The following CERS6 variants were observed in gnomAD, a reference collection of about 807,000 sequenced individuals.
The protein encoded by CERS6 is ceramide synthase 6, also known as LAG1 homolog, ceramide synthase 6.
A neutral mutation model predicts 56.8 loss-of-function variants in CERS6; 26 were observed. That is an observed-to-expected ratio of 0.46 (90% CI 0.34 to 0.63). CERS6 has a LOEUF of 0.63. Among genes scored for constraint, CERS6 ranks in the 30% least tolerant of loss-of-function variants. The probability of loss-of-function intolerance (pLI) is 0.01; values close to 1 mark genes in which losing one functional copy is unlikely to be tolerated. For synonymous variants in CERS6, 164 were observed against 173.3 expected (o/e 0.95, Z 0.42); for missense variants, 415 against 467.5 (o/e 0.89, Z 1.04).
At chr2:168,645,189 A>AGAGAGAGAGAGAGAGT (rs1685166772) in intron 4 of CERS6, among the ~76,000 whole-genome samples, 1 of 85,014 alleles carries the variant, frequency 1.2e-5, no homozygotes, top group South Asian at 4.3e-4. Flanking sequence ...AGAGAGAGAG[A>AGAGAGAGAGAGAGAGT]GTAACTTCTA....
At chr2:168,661,624 G>C (rs528661968) in intron 4 of CERS6, among the ~76,000 whole-genome samples, 1 of 152,182 alleles carries the variant, frequency 6.6e-6, no homozygotes, top group Non-Finnish European at 1.5e-5. Flanking sequence ...TTTCGCTCAA[G>C]ATAGAGAAGT....
At position 168,663,727 on chromosome 2, in the gene CERS6, A is replaced by G. The variant is rs1685688928; in HGVS notation, c.466-27307A>G. 2.6e-5 allele frequency among the ~76,000 whole-genome samples: 4 copies of G among 152,192 alleles called. No homozygotes were observed. In the South Asian group the frequency reaches 8.3e-4, roughly 31 times the overall value. ...CAGTTACATAAAAAACATTATGTAG[A>G]TCCACCGTAGGTATTCTTGTAGTGT... On this transcript the variant is annotated intron_variant, in intron 4 of 9. Coordinates refer to ENST00000305747, the MANE Select transcript of CERS6 (RefSeq NM_203463.3).
intron 6 of CERS6, among the ~76,000 whole-genome samples, chr2:168,706,269 T>C (rs1223605044): frequency 6.6e-6 from 1 of 152,238 alleles, no homozygotes; most frequent in Non-Finnish European, 1.5e-5. Flanking sequence ...AGCACTATCT[T>C]ACTGTTTTCT....
At chr2:168,625,018 C>T (rs942526156) in intron 3 of CERS6, among the ~76,000 whole-genome samples, 16 of 152,050 alleles carry the variant, frequency 1.1e-4, no homozygotes, top group African/African-American at 2.4e-4. Flanking sequence ...TGAGATACAG[C>T]GCAGTGATTT....
chr2:168,536,979 A>G (rs561085681), intron 1 of CERS6, among the ~76,000 whole-genome samples: 12 of 152,268 alleles, frequency 7.9e-5, no homozygotes, highest in African/African-American at 2.9e-4. Flanking sequence ...AACATGGACT[A>G]TTGTGTTATT....
At chr2:168,645,664 A>T (rs1685181287) in intron 4 of CERS6, among the ~76,000 whole-genome samples, 1 of 152,158 alleles carries the variant, frequency 6.6e-6, no homozygotes, top group Non-Finnish European at 1.5e-5. Flanking sequence ...CCCAATAGTT[A>T]TCTTTTCTGC....
chr2:168,612,499 T>G (rs1003614570), intron 3 of CERS6, among the ~76,000 whole-genome samples: 1 of 152,256 alleles, frequency 6.6e-6, no homozygotes, highest in African/African-American at 2.4e-5. Context: ...TTTGTGTTGT[T>G]TTGTTTAATT....
intron 9 of CERS6, among the ~76,000 whole-genome samples, chr2:168,768,802 A>G (rs567740898): frequency 6.7e-6 from 1 of 149,964 alleles, no homozygotes; most frequent in Non-Finnish European, 1.5e-5. Context: ...GCTACTCGGG[A>G]GGCTAAGGCA....
chr2:168,546,841 C>T (rs1399930567), intron 1 of CERS6, among the ~76,000 whole-genome samples: 1 of 152,192 alleles, frequency 6.6e-6, no homozygotes, highest in African/African-American at 2.4e-5. Context: ...AATGTCCCCA[C>T]ACCTTTGGGG....
chr2:168,570,812 T>C (rs1410525948), intron 3 of CERS6, among the ~76,000 whole-genome samples: 1 of 152,164 alleles, frequency 6.6e-6, no homozygotes, highest in Non-Finnish European at 1.5e-5. Flanking sequence ...TAATAGCTAC[T>C]ATTTATAAAG....
chr2:168,520,302 T>G (rs1424650501), intron 1 of CERS6, among the ~76,000 whole-genome samples: 1 of 152,214 alleles, frequency 6.6e-6, no homozygotes, highest in African/African-American at 2.4e-5. Flanking sequence ...TTGATTCGTT[T>G]AAGTTCCTTA....
intron 1 of CERS6, among the ~76,000 whole-genome samples, chr2:168,476,650 T>A (rs75175049): frequency 0.055 from 8,367 of 152,156 alleles, 337 homozygotes; most frequent in East Asian, 0.18. Flanking sequence ...GAGAACGTAG[T>A]AGGGACTGCT....
intron 2 of CERS6, among the ~76,000 whole-genome samples, chr2:168,552,262 A>G (rs1695586056): frequency 6.6e-6 from 1 of 151,676 alleles, no homozygotes; most frequent in South Asian, 2.1e-4. Context: ...TCCATTATTC[A>G]TTTCTTTGCC....
At chr2:168,613,647 C>A (rs767248853) in intron 3 of CERS6, among the ~76,000 whole-genome samples, 25 of 152,206 alleles carry the variant, frequency 1.6e-4, no homozygotes, top group Admixed American at 1.3e-4. Context: ...CTGTGAGTAT[C>A]ATAGGTGTAA....
chr2:168,754,205 A>G (rs1684357162), intron 8 of CERS6, among the ~76,000 whole-genome samples: 2 of 152,112 alleles, frequency 1.3e-5, no homozygotes, highest in Admixed American at 1.3e-4. Flanking sequence ...AGTTGGAAGG[A>G]AGGAGGGTCT....
chr2:168,543,282 G>A (rs1042837730), intron 1 of CERS6, among the ~76,000 whole-genome samples: 19 of 152,176 alleles, frequency 1.2e-4, no homozygotes, highest in African/African-American at 4.6e-4. Flanking sequence ...AAAGTAATTA[G>A]GTGAGCATTT....
intron 3 of CERS6, among the ~76,000 whole-genome samples, chr2:168,618,936 AAAG>A (rs1476267746): frequency 6.6e-6 from 1 of 152,250 alleles, no homozygotes; most frequent in Admixed American, 6.5e-5. Flanking sequence ...AGACTATGCA[AAAG>A]AACAAATCTG....
chr2:168,704,985 CAA>C (rs1451279303), intron 6 of CERS6, among the ~76,000 whole-genome samples: 1 of 152,142 alleles, frequency 6.6e-6, no homozygotes. Flanking sequence ...ATGTGTTTTC[CAA>C]AGTGTCTCCT....
chr2:168,552,349 T>TACACACACACAC (rs56340726), intron 2 of CERS6, among the ~76,000 whole-genome samples: 3 of 140,102 alleles, frequency 2.1e-5, no homozygotes, highest in African/African-American at 5.4e-5. Flanking sequence ...ATACAGAGTA[T>TACACACACACAC]ACACACACAC....
Sources: gnomAD v4.1 joint callset for allele counts (sites outside exome capture counted in the v4.1 genomes callset) on GRCh38, gnomAD v4.1.1 for gene constraint, MANE v1.5 for transcripts, NCBI Gene and HGNC (gene_info 2026-07-23, HGNC 2026-07-21) for gene names.